Variants in LCOR observed in about 807,000 individuals in gnomAD.
LCOR encodes the protein ligand-dependent corepressor.
In LCOR, 14 loss-of-function variants were observed where a neutral mutation model predicts 64.4. That is an observed-to-expected ratio of 0.22 (90% confidence interval 0.14 to 0.34). LCOR has a LOEUF of 0.34. Ranked by LOEUF, LCOR falls within the 10% of genes least tolerant of loss-of-function variation. The probability of loss-of-function intolerance (pLI) is 1.00; values close to 1 mark genes in which losing one functional copy is unlikely to be tolerated. For missense variants in LCOR, 1,686 were observed against 1,765.3 expected, an observed-to-expected ratio of 0.96 and a Z score of 0.80; for synonymous variants, 643 against 642.5, an observed-to-expected ratio of 1.00 and a Z score of -0.01.
intron 7 of LCOR, among the ~76,000 whole-genome samples, chr10:96,965,801 T>A (rs948265103): frequency 6.6e-6 from 1 of 152,108 alleles, no homozygotes; most frequent in Non-Finnish European, 1.5e-5. Context: ...TGCCACATAC[T>A]TAATCAAGAT....
At chr10:96,844,350 T>C (rs1037275681) in intron 2 of LCOR, among the ~76,000 whole-genome samples, 18 of 151,894 alleles carry the variant, frequency 1.2e-4, no homozygotes, top group African/African-American at 4.1e-4. Flanking sequence ...GGGGTCTTGC[T>C]TTGTTACCCA....
At chr10:96,920,540 G>A (rs370536082) in intron 4 of LCOR, among the ~76,000 whole-genome samples, 12 of 133,944 alleles carry the variant, frequency 9.0e-5, no homozygotes, top group South Asian at 6.9e-4. Flanking sequence ...ATATATGTAT[G>A]TATATTCATA....
intron 2 of LCOR, among the ~76,000 whole-genome samples, chr10:96,875,677 C>G (rs190010052): frequency 1.3e-5 from 2 of 151,876 alleles, no homozygotes; most frequent in Admixed American, 1.3e-4. Flanking sequence ...ACCTGGGCAA[C>G]GTGGTGAAAC....
intron 4 of LCOR, among the ~76,000 whole-genome samples, chr10:96,931,093 A>G (rs1475932569): frequency 1.3e-5 from 2 of 152,142 alleles, no homozygotes; most frequent in African/African-American, 4.8e-5. Flanking sequence ...AGCTTTTACT[A>G]TTATTACAAA....
chr10:96,949,334 ATACTT>A (rs1294210062), intron 6 of LCOR, 39 bp downstream of exon 6: 3 of 1,580,890 alleles, frequency 1.9e-6, no homozygotes, highest in East Asian at 2.2e-5. Context: ...TCTTATCAGA[ATACTT>A]TACTTTGGGG....
intron 2 of LCOR, among the ~76,000 whole-genome samples, chr10:96,902,844 A>T (rs931689264): frequency 6.6e-6 from 1 of 152,196 alleles, no homozygotes; most frequent in African/African-American, 2.4e-5. Flanking sequence ...TTGCTTAACA[A>T]TGGGGTTGCA....
intron 4 of LCOR, chr10:96,915,806 G>T: frequency 1.7e-6 from 1 of 575,956 alleles, no homozygotes; most frequent in South Asian, 1.5e-5. Flanking sequence ...CTTTGGAGGA[G>T]CAGGGTTAGC....
chr10:96,966,480 G>A (rs572230242), intron 7 of LCOR, among the ~76,000 whole-genome samples: 5 of 151,834 alleles, frequency 3.3e-5, no homozygotes, highest in African/African-American at 1.2e-4. Flanking sequence ...CGCCCGTCTC[G>A]GCCTCCCAAA....
intron 7 of LCOR, among the ~76,000 whole-genome samples, chr10:96,953,943 T>C (rs1008323890): frequency 1.4e-4 from 21 of 152,252 alleles, no homozygotes; most frequent in African/African-American, 5.1e-4. Context: ...ATGTCAGTCT[T>C]AATATTGATA....
At chr10:96,910,186 C>T (rs1846804762) in intron 4 of LCOR, among the ~76,000 whole-genome samples, 1 of 152,094 alleles carries the variant, frequency 6.6e-6, no homozygotes, top group South Asian at 2.1e-4. Flanking sequence ...GTACATGCCA[C>T]CATACCCAGC....
intron 4 of LCOR, among the ~76,000 whole-genome samples, chr10:96,924,956 A>G (rs534892439): frequency 2.0e-4 from 31 of 152,290 alleles, no homozygotes; most frequent in African/African-American, 7.0e-4. Context: ...TTCTTAGTTT[A>G]AAATCCAATT....
At chr10:96,916,595 A>C (rs1469528717) in intron 4 of LCOR, among the ~76,000 whole-genome samples, 1 of 148,962 alleles carries the variant, frequency 6.7e-6, no homozygotes, top group Non-Finnish European at 1.5e-5. Flanking sequence ...GGCTATATAT[A>C]TATATATATA....
At chr10:96,832,827 C>T (rs1298673208) in intron 1 of LCOR, 3 of 209,008 alleles carry the variant, frequency 1.4e-5, no homozygotes, top group African/African-American at 4.7e-5. Context: ...CGGGCGTGCT[C>T]GGCCCCCACC....
At chr10:96,884,619 C>G (rs898822151) in intron 2 of LCOR, among the ~76,000 whole-genome samples, 1 of 152,128 alleles carries the variant, frequency 6.6e-6, no homozygotes, top group Non-Finnish European at 1.5e-5. Context: ...TCTTGAATAC[C>G]ATTTCCAGAT....
At chr10:96,884,451 C>T (rs2134423323) in intron 2 of LCOR, among the ~76,000 whole-genome samples, 1 of 152,322 alleles carries the variant, frequency 6.6e-6, no homozygotes, top group East Asian at 1.9e-4. Context: ...CATCCTTTCT[C>T]TGTACCTCGG....
At chr10:96,937,932 G>A (rs1306858792) in intron 4 of LCOR, among the ~76,000 whole-genome samples, 62 of 152,192 alleles carry the variant, frequency 4.1e-4, no homozygotes, top group Non-Finnish European at 1.8e-4. Flanking sequence ...TGCAAAGTTG[G>A]TTTAACTATT....
In LCOR at chr10:96,897,962, A is replaced by G. The variant is rs542714400; in HGVS notation, c.-329-9303A>G. 6.6e-5 allele frequency among the ~76,000 whole-genome samples: 10 copies of G among 151,652 alleles called. No individual in the cohort carries two copies. The South Asian group carries it at 2.1e-3, about 32-fold the overall frequency. On this transcript the variant is annotated intron_variant, in intron 2 of 7. Coordinates refer to ENST00000421806, the MANE Select transcript of LCOR (RefSeq NM_001346516.2). ...CTTTAGCTTGCCTGACACATAAAAC[A>G]GAGTCCTTGTAAAATCTCCAACCTC...
At chr10:96,913,015 G>A (rs1294852031) in intron 4 of LCOR, among the ~76,000 whole-genome samples, 6 of 151,268 alleles carry the variant, frequency 4.0e-5, no homozygotes, top group Admixed American at 6.6e-5. Flanking sequence ...GCCCTTTGGA[G>A]TTGGCTGTTG....
At chr10:96,953,646 T>C (rs1365582586) in intron 7 of LCOR, among the ~76,000 whole-genome samples, 1 of 152,242 alleles carries the variant, frequency 6.6e-6, no homozygotes, top group East Asian at 1.9e-4. Context: ...AATCCTTTGC[T>C]TAAGATTCTC....
Sources: gnomAD v4.1 joint callset for allele counts (sites outside exome capture counted in the v4.1 genomes callset) on GRCh38, gnomAD v4.1.1 for gene constraint, MANE v1.5 for transcripts, NCBI Gene and HGNC (gene_info 2026-07-23, HGNC 2026-07-21) for gene names.